The following WWOX variants were observed in gnomAD, a reference collection of about 807,000 sequenced individuals.
WWOX encodes the protein WW domain-containing oxidoreductase.
Under a neutral mutation model 46.2 loss-of-function variants are expected in WWOX, and 69 were observed. The ratio of observed to expected loss-of-function variants is 1.49; its 90% CI spans 1.23 to 1.82. The LOEUF (loss-of-function observed/expected upper bound fraction) is 1.82. Among genes scored for constraint, WWOX ranks in the 40% most tolerant of loss-of-function variants. The pLI is 0.00. For synonymous variants in WWOX, 359 were observed against 202.6 expected (o/e 1.77, Z -6.56); for missense variants, 919 against 542.6 (o/e 1.69, Z -6.89).
chr16:78,781,820 G>A (rs1325031518), intron 8 of WWOX, among the ~76,000 whole-genome samples: 3 of 152,192 alleles, frequency 2.0e-5, no homozygotes, highest in Admixed American at 2.0e-4. Context: ...CTTCTAAGTA[G>A]AAGTAATGAT....
At chr16:78,720,569 G>T (rs557171457) in intron 8 of WWOX, among the ~76,000 whole-genome samples, 1 of 151,724 alleles carries the variant, frequency 6.6e-6, no homozygotes, top group East Asian at 1.9e-4. Flanking sequence ...GTGAGAGACA[G>T]AGCCAGATGT....
intron 8 of WWOX, among the ~76,000 whole-genome samples, chr16:79,067,276 G>T (rs2048458950): frequency 6.6e-6 from 1 of 152,174 alleles, no homozygotes; most frequent in East Asian, 1.9e-4. Context: ...TCTAAAATCA[G>T]AGTAAAAGCT....
At chr16:78,313,194 A>G (rs535738384) in intron 5 of WWOX, among the ~76,000 whole-genome samples, 4 of 152,306 alleles carry the variant, frequency 2.6e-5, no homozygotes, top group South Asian at 4.1e-4. Context: ...TTAGACTCCA[A>G]CACAGGGCTC....
chr16:78,975,318 C>T (rs1718904929), intron 8 of WWOX, among the ~76,000 whole-genome samples: 1 of 152,020 alleles, frequency 6.6e-6, no homozygotes, highest in Admixed American at 6.6e-5. Context: ...ATAGTGTGCT[C>T]CTGATTTCTG....
chr16:78,765,988 G>A (rs543860985), intron 8 of WWOX, among the ~76,000 whole-genome samples: 1 of 152,184 alleles, frequency 6.6e-6, no homozygotes, highest in African/African-American at 2.4e-5. Flanking sequence ...ACTAGATCCA[G>A]GAAATACAGC....
chr16:78,947,527 C>T (rs376733406), intron 8 of WWOX, among the ~76,000 whole-genome samples: 22 of 151,950 alleles, frequency 1.4e-4, no homozygotes, highest in African/African-American at 4.3e-4. Context: ...GGGAGCCTTT[C>T]GGCTGGAAAG....
At chr16:78,413,461 G>C (rs16982222) in intron 6 of WWOX, among the ~76,000 whole-genome samples, 1 of 152,132 alleles carries the variant, frequency 6.6e-6, no homozygotes, top group African/African-American at 2.4e-5. Flanking sequence ...GGCAGCGGGT[G>C]GATCTCACAA....
intron 8 of WWOX, among the ~76,000 whole-genome samples, chr16:79,106,146 A>G (rs933258993): frequency 2.6e-5 from 4 of 152,176 alleles, no homozygotes; most frequent in African/African-American, 9.7e-5. Flanking sequence ...CCCCAGACCT[A>G]CTGCGTCTGG....
intron 5 of WWOX, among the ~76,000 whole-genome samples, chr16:78,308,369 G>C (rs548733997): frequency 6.6e-6 from 1 of 152,134 alleles, no homozygotes; most frequent in African/African-American, 2.4e-5. Flanking sequence ...GAGGGGGTTG[G>C]ATATGACTCA....
At chr16:78,370,678 C>T (rs940126811) in intron 5 of WWOX, among the ~76,000 whole-genome samples, 1 of 151,274 alleles carries the variant, frequency 6.6e-6, no homozygotes, top group African/African-American at 2.4e-5. Context: ...GTTTCCATTC[C>T]TTATAACTGA....
intron 8 of WWOX, among the ~76,000 whole-genome samples, chr16:78,778,911 A>G (rs1380058954): frequency 6.6e-6 from 1 of 152,168 alleles, no homozygotes; most frequent in African/African-American, 2.4e-5. Flanking sequence ...GGTGCTGGAT[A>G]GGGATAGGAT....
chr16:78,474,689 C>G (rs2151438551), intron 8 of WWOX, among the ~76,000 whole-genome samples: 1 of 152,082 alleles, frequency 6.6e-6, no homozygotes, highest in Non-Finnish European at 1.5e-5. Context: ...GTTTTCTTAC[C>G]TGAAGGAGAA....
chr16:78,883,714 ACT>A (rs1294140626), intron 8 of WWOX, among the ~76,000 whole-genome samples: 3 of 149,708 alleles, frequency 2.0e-5, no homozygotes, highest in South Asian at 2.1e-4. Context: ...ACAGAGCAAG[ACT>A]CTGTCTCAAA....
intron 5 of WWOX, among the ~76,000 whole-genome samples, chr16:78,378,133 A>G (rs942375956): frequency 6.6e-6 from 1 of 151,946 alleles, no homozygotes; most frequent in African/African-American, 2.4e-5. Flanking sequence ...CCCCTGCCTA[A>G]AAAAAAGGAA....
chr16:78,501,761 T>TCCTGA (rs2030613108), intron 8 of WWOX, among the ~76,000 whole-genome samples: 1 of 152,104 alleles, frequency 6.6e-6, no homozygotes, highest in African/African-American at 2.4e-5. Flanking sequence ...GGTCTCGAAC[T>TCCTGA]CCTGACCTGA....
intron 5 of WWOX, among the ~76,000 whole-genome samples, chr16:78,208,758 T>G (rs1490907643): frequency 1.3e-5 from 2 of 152,356 alleles, no homozygotes; most frequent in East Asian, 3.9e-4. Context: ...AAATGATATC[T>G]TTGTAATGTT....
At chr16:78,336,048 G>C (rs1393301405) in intron 5 of WWOX, among the ~76,000 whole-genome samples, 2 of 151,342 alleles carry the variant, frequency 1.3e-5, no homozygotes, top group Non-Finnish European at 2.9e-5. Flanking sequence ...GCCGAGATCA[G>C]GCCACTGCAC....
At chr16:78,225,752 A>G (rs939661310) in intron 5 of WWOX, among the ~76,000 whole-genome samples, 30 of 152,316 alleles carry the variant, frequency 2.0e-4, no homozygotes, top group East Asian at 9.6e-4. Flanking sequence ...CTGTGCTTCA[A>G]TGTAATTATT....
chr16:78,955,609 A>AT (rs199917633), intron 8 of WWOX, among the ~76,000 whole-genome samples: 28 of 151,546 alleles, frequency 1.8e-4, no homozygotes, highest in East Asian at 1.4e-3. Flanking sequence ...TATTTTTTAT[A>AT]TTTTTTTTAT....
Sources: gnomAD v4.1 joint callset for allele counts (sites outside exome capture counted in the v4.1 genomes callset) on GRCh38, gnomAD v4.1.1 for gene constraint, MANE v1.5 for transcripts, NCBI Gene and HGNC (gene_info 2026-07-23, HGNC 2026-07-21) for gene names.